The following KCNH8 variants were observed in gnomAD, a reference collection of about 807,000 sequenced individuals.
The protein encoded by KCNH8 is potassium voltage-gated channel subfamily H member 8.
KCNH8 carries 70 observed loss-of-function variants against 103.6 expected under a neutral mutation model. That is an observed-to-expected ratio of 0.68 (90% confidence interval 0.56 to 0.82). The LOEUF is 0.82. Ranked by LOEUF, KCNH8 falls within the 40% of genes least tolerant of loss-of-function variation. KCNH8 has a pLI of 0.00. For missense variants in KCNH8, 1,217 were observed against 1,329.9 expected (o/e 0.92, Z 1.32); for synonymous variants, 498 against 489.4 (o/e 1.02, Z -0.23).
At chr3:19,152,368 G>A (rs752744721) in intron 1 of KCNH8, among the ~76,000 whole-genome samples, 3 of 152,088 alleles carry the variant, frequency 2.0e-5, no homozygotes, top group Non-Finnish European at 4.4e-5. Flanking sequence ...TTTTAAAAAA[G>A]ATACAAAGCT....
At chr3:19,217,638 GTAAT>G (rs1265249303) in intron 1 of KCNH8, among the ~76,000 whole-genome samples, 2 of 152,126 alleles carry the variant, frequency 1.3e-5, no homozygotes, top group East Asian at 3.9e-4. Context: ...GAGGAACAAA[GTAAT>G]TAAGTAAGTT....
intron 7 of KCNH8, among the ~76,000 whole-genome samples, chr3:19,409,556 A>T (rs2066744095): frequency 6.6e-6 from 1 of 152,184 alleles, no homozygotes. Flanking sequence ...TGATCCACTT[A>T]AAAGTCACAG....
At chr3:19,455,170 C>T (rs1355873991) in intron 10 of KCNH8, among the ~76,000 whole-genome samples, 1 of 152,058 alleles carries the variant, frequency 6.6e-6, no homozygotes, top group Non-Finnish European at 1.5e-5. Flanking sequence ...AATCTGATAC[C>T]TGGAAAGGGT....
intron 3 of KCNH8, among the ~76,000 whole-genome samples, chr3:19,288,432 C>G (rs1397836922): frequency 2.0e-5 from 3 of 151,644 alleles, no homozygotes; most frequent in Middle Eastern, 3.4e-3. Flanking sequence ...TTCCTGTATC[C>G]ATGTGTTCTC....
intron 5 of KCNH8, among the ~76,000 whole-genome samples, chr3:19,358,303 CCCTT>C (rs1222395307): frequency 2.0e-5 from 3 of 150,924 alleles, no homozygotes; most frequent in Non-Finnish European, 4.4e-5. Flanking sequence ...TCCTTCCTCT[CCCTT>C]CCTTTCTTTT....
At chr3:19,153,420 C>T (rs993535414) in intron 1 of KCNH8, among the ~76,000 whole-genome samples, 60 of 152,058 alleles carry the variant, frequency 3.9e-4, no homozygotes, top group African/African-American at 1.4e-3. Flanking sequence ...GTTCAAAGGT[C>T]GTGGCATGAG....
At chr3:19,415,700 G>A (rs938392387) in intron 7 of KCNH8, among the ~76,000 whole-genome samples, 7 of 151,956 alleles carry the variant, frequency 4.6e-5, no homozygotes, top group Admixed American at 1.3e-4. Flanking sequence ...TTAGGTTGGT[G>A]CAAAAGTAAT....
chr3:19,206,315 A>G (rs1324694646), intron 1 of KCNH8, among the ~76,000 whole-genome samples: 2 of 140,104 alleles, frequency 1.4e-5, no homozygotes, highest in Admixed American at 6.9e-5. Context: ...ATTGATGGGC[A>G]TTAGGGCTGG....
At chr3:19,303,074 A>C (rs1444392295) in intron 3 of KCNH8, among the ~76,000 whole-genome samples, 1 of 152,168 alleles carries the variant, frequency 6.6e-6, no homozygotes, top group African/African-American at 2.4e-5. Flanking sequence ...TTCCTCAAGG[A>C]TATATCAAAT....
At chr3:19,422,359 TTGTGA>T (rs1470409353) in intron 7 of KCNH8, among the ~76,000 whole-genome samples, 1 of 152,114 alleles carries the variant, frequency 6.6e-6, no homozygotes, top group African/African-American at 2.4e-5. Flanking sequence ...ATACAGTTTT[TTGTGA>T]CAAAGTAATA....
intron 7 of KCNH8, among the ~76,000 whole-genome samples, chr3:19,429,426 G>A (rs1007923341): frequency 2.0e-5 from 3 of 151,886 alleles, no homozygotes; most frequent in African/African-American, 7.3e-5. Context: ...CGCCCGCCTC[G>A]GCCTCCCAAA....
At chr3:19,194,782 T>C (rs777985195) in intron 1 of KCNH8, among the ~76,000 whole-genome samples, 2 of 151,606 alleles carry the variant, frequency 1.3e-5, no homozygotes, top group African/African-American at 2.4e-5. Flanking sequence ...ATCTAAAATA[T>C]AAGCTAAAAA....
intron 15 of KCNH8, among the ~76,000 whole-genome samples, chr3:19,521,905 A>G (rs2068977708): frequency 6.6e-6 from 1 of 151,972 alleles, no homozygotes; most frequent in African/African-American, 2.4e-5. Flanking sequence ...GCAAAATGAT[A>G]ATAAAAACCA....
intron 11 of KCNH8, among the ~76,000 whole-genome samples, chr3:19,495,976 A>C (rs980160594): frequency 6.6e-6 from 1 of 151,530 alleles, no homozygotes; most frequent in African/African-American, 2.4e-5. Context: ...AAATGAGATT[A>C]CATTCTTGAT....
At chr3:19,480,340 A>G (rs1348856265) in intron 11 of KCNH8, among the ~76,000 whole-genome samples, 2 of 152,186 alleles carry the variant, frequency 1.3e-5, no homozygotes, top group African/African-American at 4.8e-5. Flanking sequence ...TCCAAAGGTG[A>G]AGCATTAGCA....
chr3:19,412,407 A>G (rs1235101528), intron 7 of KCNH8, among the ~76,000 whole-genome samples: 3 of 152,076 alleles, frequency 2.0e-5, no homozygotes. Context: ...TGGATTAAAG[A>G]GTTAAATGTA....
chr3:19,380,678 C>A (rs550852413), intron 5 of KCNH8, among the ~76,000 whole-genome samples: 3 of 152,320 alleles, frequency 2.0e-5, no homozygotes, highest in East Asian at 1.9e-4. Flanking sequence ...TCCCAACTTG[C>A]CTTTTGGTTT....
intron 3 of KCNH8, among the ~76,000 whole-genome samples, chr3:19,320,956 A>G (rs1319210786): frequency 6.6e-6 from 1 of 151,806 alleles, no homozygotes; most frequent in Admixed American, 6.6e-5. Context: ...CAGGTTTTCT[A>G]GTTTATGCAC....
chr3:19,367,563 A>G (rs907744124), intron 5 of KCNH8, among the ~76,000 whole-genome samples: 4 of 151,178 alleles, frequency 2.6e-5, no homozygotes, highest in Non-Finnish European at 5.9e-5. Flanking sequence ...ATAGTATTTA[A>G]TAACATATTT....
Sources: allele counts gnomAD v4.1 joint callset (sites outside exome capture counted in the v4.1 genomes callset), GRCh38; gene constraint gnomAD v4.1.1; transcripts MANE v1.5; gene names NCBI Gene and HGNC (gene_info 2026-07-23, HGNC 2026-07-21).